SLC13A3: variants seen among roughly 807,000 people sequenced by gnomAD.
SLC13A3 encodes solute carrier family 13 member 3, also known as Na(+)/dicarboxylate cotransporter 3.
A neutral mutation model predicts 59.0 loss-of-function variants in SLC13A3; 40 were observed. The observed-to-expected ratio is 0.68, with a 90% CI of 0.53 to 0.88. The LOEUF is 0.88. Among genes scored for constraint, SLC13A3 ranks in the 40% least tolerant of loss-of-function variants. The pLI is 0.00. For missense variants in SLC13A3, 699 were observed against 783.2 expected, an observed-to-expected ratio of 0.89 and a Z score of 1.28; for synonymous variants, 317 against 330.3, an observed-to-expected ratio of 0.96 and a Z score of 0.44.
At chr20:46,599,666 C>A (rs921935407) in intron 4 of SLC13A3, among the ~76,000 whole-genome samples, 5 of 152,186 alleles carry the variant, frequency 3.3e-5, no homozygotes, top group African/African-American at 2.4e-5. Context: ...GACTGTCATG[C>A]AGTTTGTGCT....
chr20:46,610,000 A>C (rs1367013287), intron 3 of SLC13A3, among the ~76,000 whole-genome samples: 1 of 152,210 alleles, frequency 6.6e-6, no homozygotes, highest in Non-Finnish European at 1.5e-5. Context: ...AGTACACGAA[A>C]GTTCCTGTGG....
chr20:46,674,588 TGCGCGC>T (rs549666867), upstream of SLC13A3, among the ~76,000 whole-genome samples: 18 of 136,836 alleles, frequency 1.3e-4, no homozygotes, highest in African/African-American at 4.7e-4. Context: ...AGGTGGGGAG[TGCGCGC>T]GCGCGCGCGC....
At chr20:46,596,509 G>A (rs181606345) in intron 4 of SLC13A3, among the ~76,000 whole-genome samples, 167 bp from the exon 5 acceptor site, 8 of 152,270 alleles carry the variant, frequency 5.3e-5, no homozygotes, top group Admixed American at 6.5e-5. Flanking sequence ...CTCTAAGAAT[G>A]TATCCTAAAG....
chr20:46,599,803 G>A (rs1044683555), intron 4 of SLC13A3, among the ~76,000 whole-genome samples, 168 bp downstream of exon 4: 1 of 152,048 alleles, frequency 6.6e-6, no homozygotes, highest in African/African-American at 2.4e-5. Context: ...AAATGAGGCT[G>A]TTGAGGTTAA....
rs185034675 is a variant in SLC13A3 at position 46,601,128 on chromosome 20, T to C, written c.542-1091A>G. ...AGGAAAGGCCTAGGGGAGATGGGGG[T>C]GGGGACGGAGTGGGCAAAGGCCAAC... On this transcript the variant is annotated intron_variant, in intron 3 of 12. Coordinates refer to ENST00000279027, the MANE Select transcript of SLC13A3 (RefSeq NM_022829.6). 6.5e-4 allele frequency among the ~76,000 whole-genome samples: 96 copies of C among 147,548 alleles called. No individual in the cohort carries two copies. In the East Asian group the frequency reaches 0.013, roughly 20 times the overall value.
At chr20:46,641,194 C>G (rs773889238) in intron 1 of SLC13A3, among the ~76,000 whole-genome samples, 3 of 152,158 alleles carry the variant, frequency 2.0e-5, no homozygotes, top group African/African-American at 7.2e-5. Flanking sequence ...TCAAACGTTA[C>G]GCAAACCAGG....
At chr20:46,656,961 T>A (rs1488705594) in intron 1 of SLC13A3, among the ~76,000 whole-genome samples, 1 of 152,178 alleles carries the variant, frequency 6.6e-6, no homozygotes, top group Non-Finnish European at 1.5e-5. Flanking sequence ...TCTTTGTACC[T>A]TCTATTACTT....
At chr20:46,683,656 TTC>T (rs1305732732) in intron 1 of SLC13A3, among the ~76,000 whole-genome samples, 1 of 152,180 alleles carries the variant, frequency 6.6e-6, no homozygotes, top group South Asian at 2.1e-4. Context: ...CAGAGCGCTA[TTC>T]TCTTTCTTTC....
At chr20:46,676,432 T>C (rs2063125979) in intron 1 of SLC13A3, among the ~76,000 whole-genome samples, 1 of 148,602 alleles carries the variant, frequency 6.7e-6, no homozygotes, top group Non-Finnish European at 1.5e-5. Context: ...TTTTTTTTTT[T>C]TTAGTAGAGA....
intron 1 of SLC13A3, among the ~76,000 whole-genome samples, chr20:46,667,874 C>T (rs1053987363): frequency 6.6e-6 from 1 of 152,166 alleles, no homozygotes; most frequent in Non-Finnish European, 1.5e-5. Context: ...GGTAATCTTG[C>T]ACAATTTCAA....
At chr20:46,655,782 T>A (rs2062981452), upstream of SLC13A3, among the ~76,000 whole-genome samples, 1 of 144,802 alleles carries the variant, frequency 6.9e-6, no homozygotes, top group Non-Finnish European at 1.5e-5. Flanking sequence ...AGTATATATA[T>A]GCCTTCAGTA....
At position 46,610,546 on chromosome 20, in the gene SLC13A3, G is replaced by A; in HGVS notation, c.441C>T (p.Ser147=). 1 of 1,614,118 alleles carries A rather than the reference G, an allele frequency of 6.2e-7. No homozygotes were observed. The highest frequency in any genetic ancestry group is 8.5e-7 in the Non-Finnish European group (1 of 1,180,000). ...TGGCAATGGGAAGCATCATGGCAGTGGAGGCGGTGTTGCTCAGCCACATGG... is the reference window on the plus strand; with the variant it reads ...TGGCAATGGGAAGCATCATGGCAGTAGAGGCGGTGTTGCTCAGCCACATGG... The part of the protein sequence containing the change: ...FLSMWLSNTA[S]TAMMLPIANA... The change falls in exon 3 of 13, where the codon TCC becomes TCT. Residue 147 remains serine, a synonymous_variant. Transcript: ENST00000279027.
chr20:46,608,808 A>T, intron 3 of SLC13A3: 1 of 1,463,000 alleles, frequency 6.8e-7, no homozygotes, highest in Non-Finnish European at 9.1e-7. Flanking sequence ...TGTTGTGTTC[A>T]CTGAGGTAAA....
intron 9 of SLC13A3, among the ~76,000 whole-genome samples, chr20:46,580,728 TAGG>T (rs1221267312): frequency 6.6e-6 from 1 of 151,864 alleles, no homozygotes; most frequent in Non-Finnish European, 1.5e-5. Context: ...CATAGTGAGG[TAGG>T]AGGCAGGACT....
At chr20:46,563,362 C>A (rs575329010) in intron 12 of SLC13A3, 52 bp downstream of exon 12, 2 of 1,586,766 alleles carry the variant, frequency 1.3e-6, no homozygotes, top group East Asian at 2.2e-5. Context: ...TGCCCGCCCC[C>A]TTGCGGCCCA....
At chr20:46,645,286 C>G (rs938713175) in intron 1 of SLC13A3, among the ~76,000 whole-genome samples, 1 of 152,254 alleles carries the variant, frequency 6.6e-6, no homozygotes, top group East Asian at 1.9e-4. Context: ...AGATCCTTTA[C>G]CTAATCACAC....
rs2062783130 is a variant in SLC13A3 at position 46,635,116 on chromosome 20, AC to A, written c.111+16194del. On this transcript the variant is annotated intron_variant, in intron 1 of 12. Transcript: ENST00000279027. Reference sequence around the variant, plus strand: ...TCTCCTGGAAAAGGCTGTTATGAGAACCAAGGAAGACCACTTGCTGTTTCTT... The same window carrying A: ...TCTCCTGGAAAAGGCTGTTATGAGAACAAGGAAGACCACTTGCTGTTTCTT... 5.9e-5 allele frequency among the ~76,000 whole-genome samples: 9 copies of A among 152,280 alleles called. No homozygotes were observed. In the South Asian group the frequency reaches 1.9e-3, roughly 32 times the overall value.
chr20:46,583,923 C>A, intron 8 of SLC13A3: 1 of 985,292 alleles, frequency 1.0e-6, no homozygotes, highest in Non-Finnish European at 1.2e-6. Context: ...AAGGACCCTA[C>A]GAAGAGGGAC....
upstream of SLC13A3, among the ~76,000 whole-genome samples, chr20:46,653,084 T>C (rs1371679350): frequency 6.6e-6 from 1 of 152,222 alleles, no homozygotes; most frequent in Non-Finnish European, 1.5e-5. Context: ...GTCATTTGCC[T>C]GTTTTCTACT....
Sources: allele counts gnomAD v4.1 joint callset (sites outside exome capture counted in the v4.1 genomes callset), GRCh38; gene constraint gnomAD v4.1.1; transcripts MANE v1.5; gene names NCBI Gene and HGNC (gene_info 2026-07-23, HGNC 2026-07-21).